Variants in ADAM12 observed in about 807,000 individuals in gnomAD.
The protein encoded by ADAM12 is disintegrin and metalloproteinase domain-containing protein 12.
Under a neutral mutation model 106.4 loss-of-function variants are expected in ADAM12, and 70 were observed. That is an observed-to-expected ratio of 0.66 (90% CI 0.54 to 0.80). ADAM12 has a LOEUF of 0.80. Among genes scored for constraint, ADAM12 ranks in the 30% least tolerant of loss-of-function variants. ADAM12 has a pLI of 0.00. For synonymous variants in ADAM12, 420 were observed against 433.5 expected, an observed-to-expected ratio of 0.97 and a Z score of 0.39; for missense variants, 1,010 against 1,171.9, an observed-to-expected ratio of 0.86 and a Z score of 2.02.
rs1409434881 is a variant in ADAM12, at chr10:126,025,355, G to T, written c.2530-5530C>A. Among the ~76,000 whole-genome samples the T allele has an allele frequency of 1.3e-5, 2 of 152,134 alleles. 1 individual carries two copies. The highest frequency in any genetic ancestry group is 2.9e-5 in the Non-Finnish European group (2 of 68,028). On this transcript the variant is annotated intron_variant, in intron 21 of 22. Coordinates refer to ENST00000448723, the MANE Select transcript of ADAM12 (RefSeq NM_001288973.2). ...AATAGTTTAGAGAGGAACATAACTG[G>T]CCTGTTAGAGCTAAAAAACACACTA...
chr10:126,107,285 C>G (rs1023133431), intron 8 of ADAM12, among the ~76,000 whole-genome samples: 1 of 152,184 alleles, frequency 6.6e-6, no homozygotes, highest in African/African-American at 2.4e-5. Flanking sequence ...CTTCTGCATC[C>G]CCATAAACCT....
At position 126,036,171 on chromosome 10, in the gene ADAM12, GCTGGCAGGGGT is replaced by G; in HGVS notation, c.2493_2503del (p.Arg831SerfsTer6). The G allele has an allele frequency of 1.3e-6, 2 of 1,498,262 alleles. No homozygotes were observed. Among genetic ancestry groups the G allele is most frequent in the Admixed American group, 2.5e-5 (1 of 39,480 alleles). The allele number at this position is 1,498,262 out of a possible 1,614,324, so 92.8% of individuals were successfully genotyped here. ...CTGGGCCTGCCTAAGTGCAGGCTTG[GCTGGCAGGGGT>G]CTGGCAGGGACGCTAGGTGCACGTG... On this transcript the variant is annotated frameshift_variant, in exon 21 of 23. Transcript: ENST00000448723. LOFTEE classifies it high-confidence loss of function.
At chr10:126,333,070 G>A (rs994201181) in intron 1 of ADAM12, among the ~76,000 whole-genome samples, 2 of 152,160 alleles carry the variant, frequency 1.3e-5, no homozygotes, top group African/African-American at 2.4e-5. Flanking sequence ...ACCACACCAC[G>A]CCGAGAGTTA....
chr10:126,296,451 ATG>A (rs1396771298), intron 2 of ADAM12, among the ~76,000 whole-genome samples: 13 of 152,172 alleles, frequency 8.5e-5, no homozygotes, highest in African/African-American at 3.1e-4. Flanking sequence ...ATATTTTTAA[ATG>A]TAGTCGAGAA....
At chr10:126,162,525 T>A (rs1392280796) in intron 3 of ADAM12, among the ~76,000 whole-genome samples, 1 of 152,002 alleles carries the variant, frequency 6.6e-6, no homozygotes, top group Non-Finnish European at 1.5e-5. Context: ...CTTTATCCTG[T>A]GCCATGCAGA....
At position 126,374,234 on chromosome 10, in the gene ADAM12, T is replaced by A. The variant is rs558803810; in HGVS notation, c.88+13824A>T. 4.6e-5 allele frequency among the ~76,000 whole-genome samples: 7 copies of A among 152,292 alleles called. No individual in the cohort carries two copies. In the South Asian group the frequency reaches 1.5e-3, roughly 32 times the overall value. On this transcript the variant is annotated intron_variant, in intron 1 of 22. Transcript: ENST00000448723. The stretch of plus-strand genomic sequence containing the variant: ...GCATCTGTCATGAGTAAACAGACTC[T>A]GCTCCACAGGAACTCTTCTAATCCA...
At chr10:126,163,145 G>A (rs1956965871) in intron 3 of ADAM12, among the ~76,000 whole-genome samples, 1 of 152,144 alleles carries the variant, frequency 6.6e-6, no homozygotes, top group South Asian at 2.1e-4. Context: ...TATGCTTCCT[G>A]TAAAGCCTGC....
chr10:126,038,783 A>G (rs1340654208), intron 19 of ADAM12, among the ~76,000 whole-genome samples: 1 of 152,146 alleles, frequency 6.6e-6, no homozygotes, highest in East Asian at 1.9e-4. Flanking sequence ...AATAAGCAGC[A>G]CATTGTTGTT....
chr10:126,163,307 C>A (rs192306845), intron 3 of ADAM12, among the ~76,000 whole-genome samples: 1 of 152,210 alleles, frequency 6.6e-6, no homozygotes, highest in South Asian at 2.1e-4. Context: ...GTGACTCCTA[C>A]GGTTTGGAGA....
At chr10:126,357,685 G>A (rs1855589077) in intron 1 of ADAM12, among the ~76,000 whole-genome samples, 1 of 152,150 alleles carries the variant, frequency 6.6e-6, no homozygotes, top group African/African-American at 2.4e-5. Flanking sequence ...GCAAGAAGAA[G>A]TGCCGAGCAA....
intron 3 of ADAM12, 32 bp downstream of exon 3, chr10:126,278,883 T>C: frequency 6.5e-7 from 1 of 1,528,186 alleles, no homozygotes; most frequent in Non-Finnish European, 9.0e-7. Flanking sequence ...CTTAACTTTC[T>C]CCTATCATGC....
At chr10:126,036,403 A>G in intron 20 of ADAM12, 78 bp from the exon 21 acceptor site, 3 of 1,460,508 alleles carry the variant, frequency 2.1e-6, no homozygotes, top group Non-Finnish European at 2.7e-6. Context: ...AAGCAGTGCT[A>G]ACTCATCTGT....
chr10:126,270,336 G>A (rs1217453536), intron 3 of ADAM12, among the ~76,000 whole-genome samples: 1 of 152,126 alleles, frequency 6.6e-6, no homozygotes, highest in Non-Finnish European at 1.5e-5. Flanking sequence ...TCCTGTGGGC[G>A]ATGCATCAGC....
At chr10:126,309,080 C>T (rs1369238161) in intron 2 of ADAM12, among the ~76,000 whole-genome samples, 1 of 152,230 alleles carries the variant, frequency 6.6e-6, no homozygotes, top group African/African-American at 2.4e-5. Context: ...GGACTATCTC[C>T]TTCCCCCTAT....
chr10:126,178,319 C>A (rs1014691251), intron 3 of ADAM12, among the ~76,000 whole-genome samples: 4 of 151,508 alleles, frequency 2.6e-5, no homozygotes, highest in Non-Finnish European at 5.9e-5. Context: ...GAATTTTGCA[C>A]CTTAAACTCA....
chr10:126,314,479 T>C (rs1961260207), intron 2 of ADAM12, among the ~76,000 whole-genome samples: 1 of 152,148 alleles, frequency 6.6e-6, no homozygotes, highest in African/African-American at 2.4e-5. Context: ...CATTAAGAAG[T>C]TCTGCTTTGA....
rs373538740 is a variant in ADAM12, at chr10:126,207,820, C to A, written c.261-52515G>T. On this transcript the variant is annotated intron_variant, in intron 3 of 22. Transcript: ENST00000448723. ...CACTCATCTCTTTATCATCATCTCT[C>A]AGGAATTAGAGATTCAATTCCAGGA... Among the ~76,000 whole-genome samples, 11 of 152,158 alleles carry A rather than the reference C, an allele frequency of 7.2e-5. 1 individual carries two copies. Among genetic ancestry groups the A allele is most frequent in the Admixed American group, 6.5e-4 (10 of 15,272 alleles).
At chr10:126,035,385 C>T (rs1273177055) in intron 21 of ADAM12, among the ~76,000 whole-genome samples, 1 of 152,012 alleles carries the variant, frequency 6.6e-6, no homozygotes, top group Non-Finnish European at 1.5e-5. Context: ...AGTACTTAAA[C>T]ATTTATATTC....
chr10:126,116,870 C>A (rs141479689), intron 6 of ADAM12, among the ~76,000 whole-genome samples: 1 of 152,204 alleles, frequency 6.6e-6, no homozygotes, highest in East Asian at 1.9e-4. Context: ...TTTGGGATAA[C>A]CCCTACTGTT....
Sources: gnomAD v4.1 joint callset for allele counts (sites outside exome capture counted in the v4.1 genomes callset) on GRCh38, gnomAD v4.1.1 for gene constraint, MANE v1.5 for transcripts, NCBI Gene and HGNC (gene_info 2026-07-23, HGNC 2026-07-21) for gene names.